The following TNFRSF8 variants were observed in gnomAD, a reference collection of about 807,000 sequenced individuals.
TNFRSF8 encodes the protein tumor necrosis factor receptor superfamily member 8.
Under a neutral mutation model 70.8 loss-of-function variants are expected in TNFRSF8, and 26 were observed. The observed-to-expected ratio is 0.37, with a 90% CI of 0.27 to 0.51. The LOEUF (loss-of-function observed/expected upper bound fraction) is 0.51. TNFRSF8 is among the 20% of genes least tolerant of loss of function. The pLI, the probability that TNFRSF8 is intolerant of heterozygous loss-of-function variation, is 0.94. For missense variants in TNFRSF8, 720 were observed against 807.9 expected, an observed-to-expected ratio of 0.89 and a Z score of 1.32; for synonymous variants, 356 against 339.2, an observed-to-expected ratio of 1.05 and a Z score of -0.54.
At chr1:12,078,640 C>A (rs1001089787) in intron 1 of TNFRSF8, among the ~76,000 whole-genome samples, 4 of 151,992 alleles carry the variant, frequency 2.6e-5, no homozygotes, top group Admixed American at 6.6e-5. Flanking sequence ...AACTACAGCA[C>A]CCCCCCACCC....
rs538737455 is a variant in TNFRSF8, at chr1:12,117,754, G to T, written c.946+2025G>T. On this transcript the variant is annotated intron_variant, in intron 8 of 14. Transcript: ENST00000263932. Reference sequence around the variant, plus strand: ...TAATTTTATTACATGCTTAGATTGGGTGGTGAACTCAGGACGTTTAGGGTA... The same window carrying T: ...TAATTTTATTACATGCTTAGATTGGTTGGTGAACTCAGGACGTTTAGGGTA... Among the ~76,000 whole-genome samples, 4 of 152,290 alleles carry T rather than the reference G, an allele frequency of 2.6e-5. No individual in the cohort carries two copies. In the East Asian group the frequency reaches 5.8e-4, roughly 22 times the overall value.
chr1:12,127,953 C>G (rs1641971631), intron 12 of TNFRSF8, among the ~76,000 whole-genome samples: 1 of 152,162 alleles, frequency 6.6e-6, no homozygotes, highest in Non-Finnish European at 1.5e-5. Context: ...GTTTTTGACC[C>G]TCTAGCTTCT....
rs1296779627 is a variant in TNFRSF8 at position 12,112,564 on chromosome 1, A to C, written c.793+550A>C. 6.6e-6 allele frequency among the ~76,000 whole-genome samples: 1 copy of C among 152,050 alleles called. No individual in the cohort carries two copies. The highest frequency in any genetic ancestry group is 1.5e-5 in the Non-Finnish European group (1 of 68,002). ...ACTACCATGCCTGGCTAATTAAAAA[A>C]AATTTTTTTTCATACAGATGGGGGT... On this transcript the variant is annotated intron_variant, in intron 7 of 14. Coordinates refer to ENST00000263932, the MANE Select transcript of TNFRSF8 (RefSeq NM_001243.5). The surrounding 1 kb of genome is among the most constrained non-coding windows in gnomAD (Gnocchi z 5.3).
chr1:12,129,800 C>T (rs1642014150), intron 12 of TNFRSF8, among the ~76,000 whole-genome samples: 1 of 152,216 alleles, frequency 6.6e-6, no homozygotes, highest in African/African-American at 2.4e-5. Context: ...CGGGCCTCTC[C>T]ACTGTGACGT....
intron 4 of TNFRSF8, among the ~76,000 whole-genome samples, chr1:12,106,112 C>T (rs72641083): frequency 0.057 from 8,737 of 152,056 alleles, 339 homozygotes; most frequent in Non-Finnish European, 0.08. Flanking sequence ...GAGGGGAAAA[C>T]GTGTCTAAGC....
intron 3 of TNFRSF8, among the ~76,000 whole-genome samples, chr1:12,104,164 AG>A (rs1641474039): frequency 6.6e-6 from 1 of 152,144 alleles, no homozygotes; most frequent in African/African-American, 2.4e-5. Flanking sequence ...TATGTATCTA[AG>A]TTTCCTCCAT....
Position 12,110,595 on chromosome 1 carries a change from AT to A in TNFRSF8, c.676+396del, listed in dbSNP as rs1641612208. Among the ~76,000 whole-genome samples the A allele has an allele frequency of 6.6e-6, 1 of 151,586 alleles. No individual in the cohort carries two copies. Among genetic ancestry groups the A allele is most frequent in the Non-Finnish European group, 1.5e-5 (1 of 67,878 alleles). ...CATGGCGAAGGGTCGACCCTCAGTC[AT>A]TTTTCTTTTTCTTTTTTTTGAGACG... On this transcript the variant is annotated intron_variant, in intron 6 of 14. Transcript: ENST00000263932. The surrounding 1 kb of genome is among the most constrained non-coding windows in gnomAD (Gnocchi z 4.0).
intron 6 of TNFRSF8, among the ~76,000 whole-genome samples, chr1:12,111,632 T>G: frequency 6.6e-6 from 1 of 151,744 alleles, no homozygotes; most frequent in African/African-American, 2.4e-5. Flanking sequence ...TGAGACAGGG[T>G]TGGGGGAAGC....
chr1:12,114,329 A>G (rs1188916233), intron 7 of TNFRSF8, among the ~76,000 whole-genome samples: 2 of 152,214 alleles, frequency 1.3e-5, no homozygotes, highest in East Asian at 3.8e-4. Context: ...ATACTCAGTT[A>G]TCTTAAGAGC....
At chr1:12,072,135 T>C (rs1298961715) in intron 1 of TNFRSF8, among the ~76,000 whole-genome samples, 1 of 152,206 alleles carries the variant, frequency 6.6e-6, no homozygotes, top group Non-Finnish European at 1.5e-5. Context: ...AATGGGCTAA[T>C]AACAGTAGCT....
At chr1:12,082,561 A>AC (rs200526105) in intron 1 of TNFRSF8, among the ~76,000 whole-genome samples, 4,067 of 150,604 alleles carry the variant, frequency 0.027, 100 homozygotes, top group Non-Finnish European at 0.041. Flanking sequence ...AAAAAAAAAA[A>AC]AACAAAAACA....
At chr1:12,116,844 T>C (rs1360256888) in intron 8 of TNFRSF8, among the ~76,000 whole-genome samples, 1 of 151,936 alleles carries the variant, frequency 6.6e-6, no homozygotes, top group East Asian at 1.9e-4. Context: ...CCAATGTGAC[T>C]CTGTGAGGGC....
chr1:12,107,466 T>C (rs1434201417), intron 4 of TNFRSF8, among the ~76,000 whole-genome samples: 1 of 152,176 alleles, frequency 6.6e-6, no homozygotes, highest in Non-Finnish European at 1.5e-5. Context: ...GTGTACAATA[T>C]GCACTGGATT....
intron 12 of TNFRSF8, among the ~76,000 whole-genome samples, chr1:12,133,435 G>T (rs1642087603): frequency 6.6e-6 from 1 of 151,752 alleles, no homozygotes; most frequent in Non-Finnish European, 1.5e-5. Flanking sequence ...TAGTTTCACT[G>T]ACGTCATTGA....
At chr1:12,140,273 T>C (rs919589336) in intron 14 of TNFRSF8, among the ~76,000 whole-genome samples, 13 of 152,166 alleles carry the variant, frequency 8.5e-5, no homozygotes, top group African/African-American at 2.9e-4. Flanking sequence ...GGAGGTTCTC[T>C]TGGGCACCCA....
intron 3 of TNFRSF8, among the ~76,000 whole-genome samples, chr1:12,103,034 T>C (rs1430221193): frequency 6.6e-6 from 1 of 152,158 alleles, no homozygotes; most frequent in South Asian, 2.1e-4. Context: ...TTTAGAGAAA[T>C]GTCTATTCCA....
At chr1:12,079,149 C>T (rs532695262) in intron 1 of TNFRSF8, among the ~76,000 whole-genome samples, 8 of 152,326 alleles carry the variant, frequency 5.3e-5, no homozygotes, top group African/African-American at 1.4e-4. Context: ...AGGTATGGTC[C>T]GGCTGAGACC....
At chr1:12,094,823 A>C (rs778259993) in intron 2 of TNFRSF8, among the ~76,000 whole-genome samples, 1 of 151,748 alleles carries the variant, frequency 6.6e-6, no homozygotes. Context: ...ACGGGGTTTC[A>C]CCATGTTGGC....
intron 1 of TNFRSF8, among the ~76,000 whole-genome samples, chr1:12,071,919 A>G (rs1337630180): frequency 6.6e-6 from 1 of 151,962 alleles, no homozygotes; most frequent in Non-Finnish European, 1.5e-5. Flanking sequence ...ATGGTTTCGA[A>G]CTCCTGACCT....
Sources: gnomAD v4.1 joint callset for allele counts (sites outside exome capture counted in the v4.1 genomes callset) on GRCh38, gnomAD v4.1.1 for gene constraint, Gnocchi (gnomAD v3.1) non-coding constraint, MANE v1.5 for transcripts, NCBI Gene and HGNC (gene_info 2026-07-23, HGNC 2026-07-21) for gene names.